The following TLN2 variants were observed in gnomAD, a reference collection of about 807,000 sequenced individuals.
TLN2 encodes the protein talin 2.
A neutral mutation model predicts 294.7 loss-of-function variants in TLN2; 118 were observed. That is an observed-to-expected ratio of 0.40 (90% confidence interval 0.34 to 0.47). The LOEUF (loss-of-function observed/expected upper bound fraction) is 0.47, where lower values mean the gene tolerates loss of function less well. TLN2 is among the 20% of genes least tolerant of loss of function. The pLI is 0.84. For missense variants in TLN2, 3,083 were observed against 3,282.2 expected, an observed-to-expected ratio of 0.94 and a Z score of 1.48; for synonymous variants, 1,431 against 1,304.5, an observed-to-expected ratio of 1.10 and a Z score of -2.09.
At chr15:62,415,759 T>C (rs1426022655) in intron 1 of TLN2, among the ~76,000 whole-genome samples, 1 of 152,184 alleles carries the variant, frequency 6.6e-6, no homozygotes, top group Non-Finnish European at 1.5e-5. Context: ...TTGGAATTTG[T>C]GGTCTTTGCA....
chr15:62,455,467 C>T (rs1566986321), intron 1 of TLN2, among the ~76,000 whole-genome samples: 1 of 152,156 alleles, frequency 6.6e-6, no homozygotes, highest in Non-Finnish European at 1.5e-5. Context: ...AAGACTGGGG[C>T]ACCGCAATGT....
At chr15:62,789,977 G>A (rs79277807) in intron 45 of TLN2, among the ~76,000 whole-genome samples, 3,668 of 152,330 alleles carry the variant, frequency 0.024, 147 homozygotes, top group African/African-American at 0.081. Context: ...GGGGGCCACC[G>A]GTGCTTTGCT....
intron 16 of TLN2, among the ~76,000 whole-genome samples, chr15:62,700,785 T>C (rs1644644415): frequency 6.6e-6 from 1 of 152,178 alleles, no homozygotes; most frequent in African/African-American, 2.4e-5. Flanking sequence ...GAAACATTGA[T>C]TTTTCTCTCC....
Position 62,697,846 on chromosome 15 carries a change from A to C in TLN2, c.1451A>C (p.His484Pro), listed in dbSNP as rs752041573. The change falls in exon 15 of 59, where the codon CAC becomes CCC. Residue 484 changes from histidine to proline, a missense_variant. His to Pro is a moderately conservative substitution (Grantham distance 77). Transcript: ENST00000636159. ...PQQQVMVGQM[H>P]RGHMPPLTSA... ...CAGCAGGTCATGGTTGGGCAGATGC[A>C]CCGAGGCCACATGCCGCCACTGGTG... The C allele has an allele frequency of 6.2e-7, 1 of 1,612,472 alleles. No homozygotes were observed. The highest frequency in any genetic ancestry group is 8.5e-7 in the Non-Finnish European group (1 of 1,179,764).
intron 45 of TLN2, 36 bp downstream of exon 45, chr15:62,783,926 A>C: frequency 6.2e-7 from 1 of 1,611,100 alleles, no homozygotes; most frequent in Non-Finnish European, 8.5e-7. Context: ...TAAGATGCAC[A>C]CACACACTGG....
intron 51 of TLN2, among the ~76,000 whole-genome samples, chr15:62,809,508 G>C (rs970927141): frequency 1.3e-5 from 2 of 152,174 alleles, no homozygotes; most frequent in African/African-American, 4.8e-5. Flanking sequence ...TGTGAGCAGA[G>C]AGGGGCTTTC....
chr15:62,580,807 C>T (rs1344669242), intron 1 of TLN2, among the ~76,000 whole-genome samples: 1 of 151,806 alleles, frequency 6.6e-6, no homozygotes, highest in African/African-American at 2.4e-5. Flanking sequence ...GTTTCACTGC[C>T]CAAAAAATCC....
intron 1 of TLN2, among the ~76,000 whole-genome samples, chr15:62,479,102 G>A (rs2037941357): frequency 6.6e-6 from 1 of 152,160 alleles, no homozygotes; most frequent in Admixed American, 6.6e-5. Context: ...CTTAAAAGCA[G>A]CTCCTTCTTG....
chr15:62,711,001 C>T (rs2059397844), intron 21 of TLN2, among the ~76,000 whole-genome samples: 1 of 152,108 alleles, frequency 6.6e-6, no homozygotes, highest in Non-Finnish European at 1.5e-5. Context: ...GCTGGGATTA[C>T]AGGCGTGAGC....
intron 2 of TLN2, among the ~76,000 whole-genome samples, chr15:62,606,081 G>T (rs929868224): frequency 1.3e-5 from 2 of 151,918 alleles, no homozygotes; most frequent in Admixed American, 1.3e-4. Context: ...ATTTCAAAAA[G>T]ATTTTTTTTT....
chr15:62,584,258 T>C (rs1200335231), intron 1 of TLN2, among the ~76,000 whole-genome samples: 1 of 152,214 alleles, frequency 6.6e-6, no homozygotes, highest in African/African-American at 2.4e-5. Context: ...ATCCAAAATA[T>C]TCTGCATTGG....
chr15:62,743,236 A>T (rs1209096898), intron 32 of TLN2, among the ~76,000 whole-genome samples: 1 of 152,042 alleles, frequency 6.6e-6, no homozygotes, highest in East Asian at 1.9e-4. Flanking sequence ...TGAGACTGTC[A>T]GGTCCTGCCT....
chr15:62,840,076 T>C (rs990792283), intron 58 of TLN2, among the ~76,000 whole-genome samples: 1 of 152,174 alleles, frequency 6.6e-6, no homozygotes, highest in Admixed American at 6.5e-5. Context: ...CGGGTCTTCC[T>C]CCACTGGCTG....
chr15:62,687,881 A>T (rs2057422712), intron 12 of TLN2: 1 of 152,244 alleles, frequency 6.6e-6, no homozygotes, highest in Non-Finnish European at 1.5e-5. Flanking sequence ...GAATGTTCAT[A>T]CTTAGCTGTG....
chr15:62,483,167 C>A (rs1379342658), intron 1 of TLN2, among the ~76,000 whole-genome samples: 1 of 152,202 alleles, frequency 6.6e-6, no homozygotes, highest in Non-Finnish European at 1.5e-5. Context: ...AGAACTACTC[C>A]AATGTTGGTA....
Position 62,396,798 on chromosome 15 carries a change from G to A in TLN2, c.-238+6113G>A, listed in dbSNP as rs548487907. Among the ~76,000 whole-genome samples, 18 of 152,120 alleles carry A rather than the reference G, an allele frequency of 1.2e-4. 1 individual carries two copies. Among genetic ancestry groups the A allele is most frequent in the Middle Eastern group, 3.4e-3 (1 of 294 alleles). ...TGGCTCACTGCAACCTCCACCTCCT[G>A]GGTTGAAGCAATTCTCATGCCTCAG... On this transcript the variant is annotated intron_variant, in intron 1 of 58. Transcript: ENST00000636159.
At chr15:62,613,668 A>C (rs1315070540) in intron 2 of TLN2, among the ~76,000 whole-genome samples, 1 of 152,148 alleles carries the variant, frequency 6.6e-6, no homozygotes, top group East Asian at 1.9e-4. Context: ...CTTTACCGTA[A>C]GCTTTATTTG....
intron 2 of TLN2, among the ~76,000 whole-genome samples, chr15:62,605,908 G>A (rs568660172): frequency 5.3e-5 from 8 of 152,284 alleles, no homozygotes; most frequent in Non-Finnish European, 5.9e-5. Flanking sequence ...AGGGGCAGAA[G>A]GGCAGTCTGT....
rs181500715 is a variant in TLN2 at position 62,675,197 on chromosome 15, G to A, written c.853-20G>A. 3 of 1,612,818 alleles carry A rather than the reference G, an allele frequency of 1.9e-6. No individual in the cohort carries two copies. Among genetic ancestry groups the A allele is most frequent in the African/African-American group, 2.7e-5 (2 of 74,894 alleles). ...TGGCAGAGATGCAATAACTGGTCCC[G>A]ACCACTGTCACTTTTGCAGGAGCAT... On this transcript the variant is annotated intron_variant, in intron 10 of 58. Transcript: ENST00000636159.
Sources: allele counts gnomAD v4.1 joint callset (sites outside exome capture counted in the v4.1 genomes callset), GRCh38; gene constraint gnomAD v4.1.1; transcripts MANE v1.5; gene names NCBI Gene and HGNC (gene_info 2026-07-23, HGNC 2026-07-21).